Variants in VSIG10 observed in about 807,000 individuals in gnomAD.
VSIG10 encodes the protein V-set and immunoglobulin domain containing 10, also known as V-set and immunoglobulin domain-containing protein 10.
In VSIG10, 48 loss-of-function variants were observed where a neutral mutation model predicts 58.7. The ratio of observed to expected loss-of-function variants is 0.82; its 90% confidence interval spans 0.65 to 1.04. The LOEUF (loss-of-function observed/expected upper bound fraction) is 1.04. VSIG10 is among the 50% of genes least tolerant of loss of function. The pLI, the probability that VSIG10 is intolerant of heterozygous loss-of-function variation, is 0.00. For synonymous variants in VSIG10, 260 were observed against 267.1 expected, an observed-to-expected ratio of 0.97 and a Z score of 0.26; for missense variants, 628 against 670.0, an observed-to-expected ratio of 0.94 and a Z score of 0.69.
intron 5 of VSIG10, among the ~76,000 whole-genome samples, chr12:118,072,080 A>ACTCCTGCCTCTCC (rs2032517440): frequency 6.6e-6 from 1 of 152,022 alleles, no homozygotes; most frequent in African/African-American, 2.4e-5. Context: ...GAGGCAGGAG[A>ACTCCTGCCTCTCC]ATCACTTGAA....
At chr12:118,091,948 G>A (rs1273010275) in intron 2 of VSIG10, among the ~76,000 whole-genome samples, 1 of 152,036 alleles carries the variant, frequency 6.6e-6, no homozygotes, top group Non-Finnish European at 1.5e-5. Flanking sequence ...TTGTAGAAAC[G>A]GGGTTTCACC....
At chr12:118,086,699 A>G (rs1050675625) in intron 2 of VSIG10, among the ~76,000 whole-genome samples, 1 of 152,188 alleles carries the variant, frequency 6.6e-6, no homozygotes, top group Non-Finnish European at 1.5e-5. Flanking sequence ...GTTCAAGACC[A>G]GCCTGAGCAA....
chr12:118,066,493 T>G lies in VSIG10; in HGVS notation c.*146A>C. The G allele has an allele frequency of 1.3e-6, 1 of 774,702 alleles. No individual in the cohort carries two copies. Among genetic ancestry groups the G allele is most frequent in the Non-Finnish European group, 2.3e-6 (1 of 441,402 alleles). The allele number at this position is 774,702 out of a possible 1,614,324, so 48.0% of individuals were successfully genotyped here. A position where few individuals can be genotyped will look rare whatever the true frequency, so the allele number is the denominator to read the frequency against. On this transcript the variant is annotated 3_prime_UTR_variant, in exon 9 of 9. Transcript: ENST00000359236. ...TACATGGAAGGAAAGATGTGTGTGC[T>G]TGGTTTTGTTTTTTGCTGAGACCCA...
chr12:118,072,709 A>G (rs1188892488), intron 5 of VSIG10, among the ~76,000 whole-genome samples: 1 of 151,766 alleles, frequency 6.6e-6, no homozygotes, highest in East Asian at 1.9e-4. Flanking sequence ...AATAAAATAA[A>G]AAGAAATAAG....
intron 1 of VSIG10, chr12:118,101,860 A>G (rs1306467495): frequency 6.6e-6 from 1 of 152,302 alleles, no homozygotes; most frequent in Non-Finnish European, 1.5e-5. Flanking sequence ...AAGGCCCAAC[A>G]CGGTGGCTCA....
chr12:118,074,758 C>T (rs1473971122), intron 4 of VSIG10, among the ~76,000 whole-genome samples: 5 of 152,166 alleles, frequency 3.3e-5, no homozygotes, highest in African/African-American at 7.2e-5. Flanking sequence ...GGATTACAGG[C>T]GTGAGCCACC....
At position 118,079,582 on chromosome 12, in the gene VSIG10, C is replaced by T; in HGVS notation, c.689G>A (p.Cys230Tyr). 6.2e-7 allele frequency: 1 copy of T among 1,614,010 alleles called. No homozygotes were observed. ...CGATCCTGATGCCATCTGTGCCCAG[C>T]ACTGGGGAGCTGATGGAGGGGGATC... ...VYYPPPSAPQ[C>Y]WAQMASGSFM... Residue 230 changes from cysteine to tyrosine, a missense_variant, in exon 4 of 9, where the codon TGC (cysteine) becomes TAC (tyrosine). Coordinates refer to ENST00000359236, the MANE Select transcript of VSIG10 (RefSeq NM_019086.6).
At chr12:118,068,638 T>C in intron 7 of VSIG10, 41 bp from the exon 8 acceptor site, 12 of 1,492,576 alleles carry the variant, frequency 8.0e-6, no homozygotes, top group East Asian at 2.5e-5. Context: ...AGATTTCTTA[T>C]TTTTCCCAAC....
chr12:118,066,877 C>G (rs2032267342), intron 8 of VSIG10, among the ~76,000 whole-genome samples, 183 bp from the exon 9 acceptor site: 3 of 152,000 alleles, frequency 2.0e-5, no homozygotes, highest in Admixed American at 2.0e-4. Flanking sequence ...TTCAGAACCT[C>G]TAGGCATGCT....
At chr12:118,101,521 C>A (rs1016892698) in intron 1 of VSIG10, 29 of 152,130 alleles carry the variant, frequency 1.9e-4, no homozygotes, top group African/African-American at 6.8e-4. Flanking sequence ...TGCCCCCCAA[C>A]CTTAAATGTA....
chr12:118,079,246 C>T (rs986237847), intron 4 of VSIG10, 100 bp downstream of exon 4: 3 of 1,485,652 alleles, frequency 2.0e-6, no homozygotes, highest in Admixed American at 4.3e-5. Flanking sequence ...TCCACCCTGA[C>T]ATCCGGGGAT....
At chr12:118,072,978 C>A (rs1480205937) in intron 5 of VSIG10, among the ~76,000 whole-genome samples, 1 of 152,066 alleles carries the variant, frequency 6.6e-6, no homozygotes, top group East Asian at 1.9e-4. Context: ...AGTTCTATTG[C>A]TATTTTCTTC....
rs574444360 is a variant in VSIG10, at chr12:118,088,454, G to A, written c.362-6025C>T. 6.1e-4 allele frequency among the ~76,000 whole-genome samples: 93 copies of A among 152,178 alleles called. 3 individuals carry two copies. The South Asian group carries it at 0.019, about 31-fold the overall frequency. ...TTCACAGACAATAAAACTAACACTG[G>A]AGTTCAAGGGACTTTCCCAAGGTCA... On this transcript the variant is annotated intron_variant, in intron 2 of 8. Transcript: ENST00000359236.
At chr12:118,101,578 C>T (rs1383593626) in intron 1 of VSIG10, 1 of 152,122 alleles carries the variant, frequency 6.6e-6, no homozygotes, top group African/African-American at 2.4e-5. Flanking sequence ...TGATGCTGCC[C>T]ATGTATTATT....
intron 2 of VSIG10, among the ~76,000 whole-genome samples, chr12:118,087,282 G>C (rs545046947): frequency 1.3e-5 from 2 of 152,030 alleles, no homozygotes; most frequent in South Asian, 4.2e-4. Context: ...ATTCCAGGCA[G>C]GTTGAATTGC....
At position 118,066,564 on chromosome 12, in the gene VSIG10, AGCTGAAT is replaced by A; in HGVS notation, c.*68_*74del. On this transcript the variant is annotated 3_prime_UTR_variant, in exon 9 of 9. Transcript: ENST00000359236. ...CCGCCAGGGGTGCAGGTGGAGTCAAAGCTGAATGAAGAGCTCGTCTTCAATGTAGCTC... is the reference window on the plus strand; with the variant it reads ...CCGCCAGGGGTGCAGGTGGAGTCAAAGAAGAGCTCGTCTTCAATGTAGCTC... 1 of 1,565,852 alleles carries A rather than the reference AGCTGAAT, an allele frequency of 6.4e-7. No homozygotes were observed. Among genetic ancestry groups the A allele is most frequent in the East Asian group, 2.2e-5 (1 of 44,566 alleles).
intron 2 of VSIG10, among the ~76,000 whole-genome samples, chr12:118,091,120 G>A (rs1416262046): frequency 2.0e-5 from 3 of 152,092 alleles, no homozygotes; most frequent in Non-Finnish European, 4.4e-5. Context: ...GGACGACAGA[G>A]GGAGAATCTG....
intron 2 of VSIG10, among the ~76,000 whole-genome samples, chr12:118,092,638 C>CTTT (rs35654590): frequency 2.6e-4 from 36 of 140,470 alleles, no homozygotes; most frequent in African/African-American, 7.4e-4. Flanking sequence ...TTTTCTTTTT[C>CTTT]TTTTTTTTTT....
At chr12:118,088,848 A>G (rs989577780) in intron 2 of VSIG10, among the ~76,000 whole-genome samples, 1 of 152,160 alleles carries the variant, frequency 6.6e-6, no homozygotes, top group Non-Finnish European at 1.5e-5. Context: ...AGAAATTTCC[A>G]TACTATGAAT....
Sources: gnomAD v4.1 joint callset for allele counts (sites outside exome capture counted in the v4.1 genomes callset) on GRCh38, gnomAD v4.1.1 for gene constraint, MANE v1.5 for transcripts, NCBI Gene and HGNC (gene_info 2026-07-23, HGNC 2026-07-21) for gene names.